ZNF304: variants seen among roughly 807,000 people sequenced by gnomAD.
The protein encoded by ZNF304 is zinc finger protein 304.
ZNF304 carries 7 observed loss-of-function variants against 7.8 expected under a neutral mutation model. The observed-to-expected ratio is 0.90, with a 90% CI of 0.51 to 1.69. The LOEUF is 1.69. Among genes scored for constraint, ZNF304 ranks in the 40% most tolerant of loss-of-function variants. The pLI is 0.00. For synonymous variants in ZNF304, 280 were observed against 272.4 expected (o/e 1.03, Z -0.27); for missense variants, 669 against 804.8 (o/e 0.83, Z 2.04).
rs1254921135 is a variant in ZNF304 at position 57,351,640 on chromosome 19, G to A, written c.-25G>A. 7 of 1,613,292 alleles carry A rather than the reference G, an allele frequency of 4.3e-6. No homozygotes were observed. The highest frequency in any genetic ancestry group is 5.1e-6 in the Non-Finnish European group (6 of 1,179,984). On this transcript the variant is annotated 5_prime_UTR_variant, in exon 1 of 3. Transcript: ENST00000282286. This position sits in a 1 kb window ranked among gnomAD's most constrained non-coding sequence, Gnocchi z 4.1. ...CGTGGGGTTTCGGCTGAGCCCACAG[G>A]GCACAGACTGTTCATCCGCTTCTCA...
rs1158070951 is a variant in ZNF304 at position 57,356,067 on chromosome 19, G to A, written c.198G>A (p.Glu66=). 6.2e-7 allele frequency: 1 copy of A among 1,613,882 alleles called. No homozygotes were observed. The highest frequency in any genetic ancestry group is 1.1e-5 in the South Asian group (1 of 91,060). The change falls in exon 3 of 3, where the codon GAG becomes GAA. Residue 66 remains glutamate, a synonymous_variant. Transcript: ENST00000282286. ...WCEAEHEAPS[E]QSVSVEGVSQ... ...AAGCAGAACATGAGGCACCTTCTGA[G>A]CAGAGCGTTTCTGTAGAAGGAGTGT...
Position 57,356,891 on chromosome 19 carries a change from G to A in ZNF304, c.1022G>A (p.Gly341Glu). 1 of 1,614,150 alleles carries A rather than the reference G, an allele frequency of 6.2e-7. No homozygotes were observed. The highest frequency in any genetic ancestry group is 8.5e-7 in the Non-Finnish European group (1 of 1,180,026). Reference sequence around the variant, plus strand: ...AGATCTTATGACTGCAGTGAATGTGGAAAAGCCTACAGCAGAAGCTCCCAC... The same window carrying A: ...AGATCTTATGACTGCAGTGAATGTGAAAAAGCCTACAGCAGAAGCTCCCAC... ...GERSYDCSEC[G>E]KAYSRSSHLV... Residue 341 changes from glycine (G) to glutamate (E), a missense_variant, in exon 3 of 3, where the codon GGA becomes GAA. By Grantham distance (98) the Gly-to-Glu change is moderately conservative. Coordinates refer to ENST00000282286, the MANE Select transcript of ZNF304 (RefSeq NM_020657.4).
rs1029268626 is a variant in ZNF304 at position 57,353,787 on chromosome 19, G to A, written c.96G>A (p.Glu32=). ...CTCGGGAGGAGTGGGAACTCCTTGA[G>A]GAGGCACAGAGATTCCTGTACCGTG... The part of the protein sequence containing the change: ...YFSREEWELL[E]EAQRFLYRDV... The change falls in exon 2 of 3, where the codon GAG becomes GAA. Residue 32 remains glutamate (E), a synonymous_variant. Coordinates refer to ENST00000282286, the MANE Select transcript of ZNF304 (RefSeq NM_020657.4). The A allele has an allele frequency of 6.2e-7, 1 of 1,613,768 alleles. No homozygotes were observed. The highest frequency in any genetic ancestry group is 8.5e-7 in the Non-Finnish European group (1 of 1,179,804).
intron 2 of ZNF304, chr19:57,355,447 A>C (rs767347287): frequency 4.1e-6 from 3 of 725,200 alleles, no homozygotes; most frequent in African/African-American, 3.5e-5. Context: ...CGAACCTTCA[A>C]CTTGTTTTGT....
At chr19:57,352,365 G>A (rs1197845738) in intron 1 of ZNF304, among the ~76,000 whole-genome samples, 2 of 152,204 alleles carry the variant, frequency 1.3e-5, no homozygotes, top group Admixed American at 6.5e-5. Context: ...CAGGCCATGA[G>A]TTGTATGGAG....
In ZNF304 at chr19:57,357,669, T is replaced by A; in HGVS notation, c.1800T>A (p.Ser600=). 2 of 1,614,066 alleles carry A rather than the reference T, an allele frequency of 1.2e-6. No homozygotes were observed. The highest frequency in any genetic ancestry group is 1.7e-6 in the Non-Finnish European group (2 of 1,179,990). The change falls in exon 3 of 3, where the codon TCT becomes TCA. Residue 600 remains serine (S), a synonymous_variant. Transcript: ENST00000282286. ...SECGKFFSRN[S]GLILHQRVHT... ...GTGGGAAATTCTTTAGCCGCAACTC[T>A]GGCCTCATTCTGCACCAGAGGGTTC... is the stretch of plus-strand genomic sequence containing the variant.
In ZNF304 at chr19:57,351,689, C is replaced by A; in HGVS notation, c.25C>A (p.Arg9=). MAAAVLMD[R]VQSCVTFEDV... is the part of the protein sequence containing the mutation. Reference sequence around the variant, plus strand: ...CATGGCAGCGGCGGTGCTGATGGACCGGGTTCAGGTGAGTGGGGGCATCCC... The same window carrying A: ...CATGGCAGCGGCGGTGCTGATGGACAGGGTTCAGGTGAGTGGGGGCATCCC... The change falls in exon 1 of 3, where the codon CGG becomes AGG. Residue 9 remains arginine, a synonymous_variant. Coordinates refer to ENST00000282286, the MANE Select transcript of ZNF304 (RefSeq NM_020657.4). This position sits in a 1 kb window ranked among gnomAD's most constrained non-coding sequence, Gnocchi z 4.1. The A allele has an allele frequency of 6.2e-7, 1 of 1,612,594 alleles. No individual in the cohort carries two copies. Among genetic ancestry groups the A allele is most frequent in the South Asian group, 1.1e-5 (1 of 90,896 alleles).
Position 57,357,962 on chromosome 19 carries a change from G to A in ZNF304, c.*113G>A. 3.7e-6 allele frequency: 5 copies of A among 1,359,544 alleles called. No homozygotes were observed. Among genetic ancestry groups the A allele is most frequent in the Non-Finnish European group, 5.0e-6 (5 of 1,003,156 alleles). 84.2% of individuals were successfully genotyped at this position (1,359,544 alleles called of 1,614,324 possible). On this transcript the variant is annotated 3_prime_UTR_variant, in exon 3 of 3. Transcript: ENST00000282286. Reference sequence around the variant, plus strand: ...TGCTCTGTGAGTACCCTTTGTGAGGGAACCATCAGCTAGCAGATGAGCACC... The same window carrying A: ...TGCTCTGTGAGTACCCTTTGTGAGGAAACCATCAGCTAGCAGATGAGCACC...
chr19:57,356,170 A>G lies in ZNF304; in HGVS notation c.301A>G (p.Ile101Val), dbSNP rs2088334404. 1.9e-6 allele frequency: 3 copies of G among 1,614,112 alleles called. No homozygotes were observed. Among genetic ancestry groups the G allele is most frequent in the Non-Finnish European group, 2.5e-6 (3 of 1,180,056 alleles). ...CEMCDPLLKD[I>V]LHLAEHQGSH... Reference sequence around the variant, plus strand: ...GATGTGTGACCCACTCTTGAAAGACATTTTGCACCTGGCTGAACACCAGGG... The same window carrying G: ...GATGTGTGACCCACTCTTGAAAGACGTTTTGCACCTGGCTGAACACCAGGG... Residue 101 changes from isoleucine to valine, a missense_variant, in exon 3 of 3, where the codon ATT (isoleucine) becomes GTT (valine). Coordinates refer to ENST00000282286, the MANE Select transcript of ZNF304 (RefSeq NM_020657.4).
At position 57,357,740 on chromosome 19, in the gene ZNF304, A is replaced by G. The variant is rs935064195; in HGVS notation, c.1871A>G (p.Tyr624Cys). The G allele has an allele frequency of 1.9e-6, 3 of 1,614,094 alleles. No individual in the cohort carries two copies. The highest frequency in any genetic ancestry group is 2.5e-6 in the Non-Finnish European group (3 of 1,180,026). Reference sequence around the variant, plus strand: ...GTATGCAGCGAATGTGGGAAAGCCTATAGCAGAAGCTCCCATCTTGTTCGT... The same window carrying G: ...GTATGCAGCGAATGTGGGAAAGCCTGTAGCAGAAGCTCCCATCTTGTTCGT... ...PYVCSECGKA[Y>C]SRSSHLVRHQ... is the part of the protein sequence containing the mutation. Residue 624 changes from tyrosine (Y) to cysteine (C), a missense_variant, in exon 3 of 3, where the codon TAT (tyrosine) becomes TGT (cysteine). By Grantham distance (194) the Tyr-to-Cys change is radical. Coordinates refer to ENST00000282286, the MANE Select transcript of ZNF304 (RefSeq NM_020657.4).
At chr19:57,355,989 C>G in intron 2 of ZNF304, 41 bp from the exon 3 acceptor site, 1 of 1,560,162 alleles carries the variant, frequency 6.4e-7, no homozygotes, top group Non-Finnish European at 8.7e-7. Context: ...TGCCTCCCAC[C>G]AAAGTCAGCA....
At position 57,351,500 on chromosome 19, in the gene ZNF304, T is replaced by A; in HGVS notation, c.-165T>A. ...CTTACCGAGGCCTCCACACACGTCC[T>A]CTTGTCCTTGTCTCCCCCAGAAGCA... On this transcript the variant is annotated 5_prime_UTR_variant, in exon 1 of 3. Coordinates refer to ENST00000282286, the MANE Select transcript of ZNF304 (RefSeq NM_020657.4). The surrounding 1 kb of genome is among the most constrained non-coding windows in gnomAD (Gnocchi z 4.1). 1 of 819,348 alleles carries A rather than the reference T, an allele frequency of 1.2e-6. No homozygotes were observed. Among genetic ancestry groups the A allele is most frequent in the South Asian group, 1.6e-5 (1 of 63,750 alleles). 50.8% of individuals were successfully genotyped at this position (819,348 alleles called of 1,614,324 possible).
intron 1 of ZNF304, among the ~76,000 whole-genome samples, chr19:57,353,416 G>A (rs1345119785): frequency 6.6e-6 from 1 of 152,176 alleles, no homozygotes; most frequent in Non-Finnish European, 1.5e-5. Flanking sequence ...GTTGTGTTTA[G>A]AGGCATCGTC....
intron 2 of ZNF304, 125 bp from the exon 3 acceptor site, chr19:57,355,905 T>A: frequency 9.1e-7 from 1 of 1,094,486 alleles, no homozygotes; most frequent in Non-Finnish European, 1.3e-6. Context: ...TTTACACTGA[T>A]CCTGGCCCTC....
At position 57,357,223 on chromosome 19, in the gene ZNF304, T is replaced by C; in HGVS notation, c.1354T>C (p.Cys452Arg). The C allele has an allele frequency of 1.2e-6, 2 of 1,613,988 alleles. No individual in the cohort carries two copies. Among genetic ancestry groups the C allele is most frequent in the Non-Finnish European group, 8.5e-7 (1 of 1,180,018 alleles). The part of the protein sequence containing the change: ...TGARSYVCSK[C>R]GKAFGCKDTL... ...AGCAAGATCCTACGTGTGCAGCAAA[T>C]GTGGGAAGGCCTTTGGCTGCAAAGA... Residue 452 changes from cysteine to arginine, a missense_variant, in exon 3 of 3, where the codon TGT becomes CGT. Transcript: ENST00000282286.
chr19:57,358,599 A>G lies in ZNF304; in HGVS notation c.*750A>G, dbSNP rs2088381991. 6.6e-6 allele frequency: 1 copy of G among 152,246 alleles called. No individual in the cohort carries two copies. The highest frequency in any genetic ancestry group is 1.5e-5 in the Non-Finnish European group (1 of 68,090). The allele number at this position is 152,246 out of a possible 1,614,324, so 9.4% of individuals were successfully genotyped here. On this transcript the variant is annotated 3_prime_UTR_variant, in exon 3 of 3. Coordinates refer to ENST00000282286, the MANE Select transcript of ZNF304 (RefSeq NM_020657.4). ...GGGAGTAGCACCTTTTGTGGGCACCACCTTTATGTGCCTCAGAGGGGACCA... is the reference window on the plus strand; with the variant it reads ...GGGAGTAGCACCTTTTGTGGGCACCGCCTTTATGTGCCTCAGAGGGGACCA...
Position 57,357,688 on chromosome 19 carries a change from A to G in ZNF304, c.1819A>G (p.Arg607Gly). Residue 607 changes from arginine to glycine, a missense_variant, in exon 3 of 3, where the codon AGG becomes GGG. Arg to Gly is a moderately radical substitution (Grantham distance 125). Coordinates refer to ENST00000282286, the MANE Select transcript of ZNF304 (RefSeq NM_020657.4). ...SRNSGLILHQ[R>G]VHTGEKPYVC... is the part of the protein sequence containing the mutation. ...CAACTCTGGCCTCATTCTGCACCAG[A>G]GGGTTCACACTGGAGAAAAGCCTTA... is the stretch of plus-strand genomic sequence containing the variant. 6.2e-7 allele frequency: 1 copy of G among 1,614,252 alleles called. No homozygotes were observed. The highest frequency in any genetic ancestry group is 8.5e-7 in the Non-Finnish European group (1 of 1,180,042).
rs921910536 is a variant in ZNF304, at chr19:57,359,852, T to A, written c.*2003T>A. On this transcript the variant is annotated 3_prime_UTR_variant, in exon 3 of 3. Coordinates refer to ENST00000282286, the MANE Select transcript of ZNF304 (RefSeq NM_020657.4). The stretch of plus-strand genomic sequence containing the variant: ...ATTGTTATGGATGTTTGGGTAACTT[T>A]CAGTTTTTGGCTATTACAAATAAAC... 3.3e-5 allele frequency: 5 copies of A among 152,246 alleles called. No individual in the cohort carries two copies. The highest frequency in any genetic ancestry group is 1.2e-4 in the African/African-American group (5 of 41,464). The allele number at this position is 152,246 out of a possible 1,614,324, so 9.4% of individuals were successfully genotyped here. A position where few individuals can be genotyped will look rare whatever the true frequency, so the allele number is the denominator to read the frequency against.
rs766031730 is a variant in ZNF304, at chr19:57,351,654, A to G, written c.-11A>G. The G allele has an allele frequency of 1.2e-6, 2 of 1,613,484 alleles. No homozygotes were observed. Among genetic ancestry groups the G allele is most frequent in the South Asian group, 2.2e-5 (2 of 91,060 alleles). On this transcript the variant is annotated 5_prime_UTR_variant, in exon 1 of 3. Coordinates refer to ENST00000282286, the MANE Select transcript of ZNF304 (RefSeq NM_020657.4). This position sits in a 1 kb window ranked among gnomAD's most constrained non-coding sequence, Gnocchi z 4.1. ...TGAGCCCACAGGGCACAGACTGTTC[A>G]TCCGCTTCTCATGGCAGCGGCGGTG...
Sources: gnomAD v4.1 joint callset for allele counts (sites outside exome capture counted in the v4.1 genomes callset) on GRCh38, gnomAD v4.1.1 for gene constraint, Gnocchi (gnomAD v3.1) non-coding constraint, MANE v1.5 for transcripts, NCBI Gene and HGNC (gene_info 2026-07-23, HGNC 2026-07-21) for gene names.